The following PDCD6 variants were observed in gnomAD, a reference collection of about 807,000 sequenced individuals.
PDCD6 encodes programmed cell death 6.
PDCD6 carries 12 observed loss-of-function variants against 28.3 expected under a neutral mutation model. That is an observed-to-expected ratio of 0.42 (90% CI 0.27 to 0.69). PDCD6 has a LOEUF of 0.69. Ranked by LOEUF, PDCD6 falls within the 30% of genes least tolerant of loss-of-function variation. The pLI, the probability that PDCD6 is intolerant of heterozygous loss-of-function variation, is 0.22. For synonymous variants in PDCD6, 92 were observed against 108.0 expected, an observed-to-expected ratio of 0.85 and a Z score of 0.92; for missense variants, 226 against 269.9, an observed-to-expected ratio of 0.84 and a Z score of 1.14.
intron 2 of PDCD6, among the ~76,000 whole-genome samples, chr5:278,726 GGAAA>G (rs1294472285): frequency 2.7e-5 from 4 of 150,372 alleles, no homozygotes; most frequent in African/African-American, 4.9e-5. Context: ...TAAAACAAAA[GGAAA>G]GAAAGAAAAT....
At chr5:277,502 C>T (rs10058393) in intron 2 of PDCD6, among the ~76,000 whole-genome samples, 19,845 of 151,714 alleles carry the variant, frequency 0.13, 1,378 homozygotes, top group Admixed American at 0.17. Context: ...GGGGTTTCAC[C>T]GTGTCAGCCA....
At position 304,105 on chromosome 5, in the gene PDCD6, G is replaced by A. The variant is rs772879957; in HGVS notation, c.164-72G>A. The A allele has an allele frequency of 1.8e-4, 264 of 1,462,766 alleles. 9 individuals are homozygous for A. Among genetic ancestry groups the A allele is most frequent in the Admixed American group, 1.3e-3 (72 of 56,592 alleles). The allele number at this position is 1,462,766 out of a possible 1,614,324, so 90.6% of individuals were successfully genotyped here. ...CCACTGCTTTTCCTGGTGCCTCCAG[G>A]TATAGATCACAAACTCAGTGTCCCA... On this transcript the variant is annotated intron_variant, in intron 2 of 5. Coordinates refer to ENST00000264933, the MANE Select transcript of PDCD6 (RefSeq NM_013232.4).
chr5:296,654 CTGTT>C (rs1471164277), intron 2 of PDCD6, among the ~76,000 whole-genome samples: 62 of 152,276 alleles, frequency 4.1e-4, no homozygotes, highest in African/African-American at 1.3e-3. Flanking sequence ...ATCAAAAAGA[CTGTT>C]TGGGGCTGCA....
chr5:293,115 G>A (rs1032327219), intron 2 of PDCD6, among the ~76,000 whole-genome samples: 5 of 152,168 alleles, frequency 3.3e-5, no homozygotes, highest in Admixed American at 2.6e-4. Context: ...GACTCACAGG[G>A]CATCCCGTCA....
chr5:294,461 G>A (rs112773253), intron 2 of PDCD6, among the ~76,000 whole-genome samples: 30 of 151,372 alleles, frequency 2.0e-4, no homozygotes, highest in African/African-American at 4.6e-4. Context: ...GCTCAACGTC[G>A]TAGAGATGCT....
At chr5:299,755 T>C (rs939187095) in intron 2 of PDCD6, among the ~76,000 whole-genome samples, 10 of 152,332 alleles carry the variant, frequency 6.6e-5, no homozygotes, top group Admixed American at 3.9e-4. Flanking sequence ...TTCACCATAT[T>C]AGCCAGGATG....
At chr5:275,548 T>A (rs573602736) in intron 2 of PDCD6, among the ~76,000 whole-genome samples, 1 of 152,376 alleles carries the variant, frequency 6.6e-6, no homozygotes, top group Non-Finnish European at 1.5e-5. Flanking sequence ...AATGAGAGTT[T>A]AGAGTAGAAG....
intron 2 of PDCD6, chr5:289,962 A>T: frequency 6.3e-7 from 1 of 1,590,594 alleles, no homozygotes; most frequent in Admixed American, 1.7e-5. Flanking sequence ...CTCCTCTGAG[A>T]AATTTGTCTG....
intron 2 of PDCD6, among the ~76,000 whole-genome samples, chr5:281,209 CA>C (rs1408255032): frequency 6.6e-6 from 1 of 152,198 alleles, no homozygotes; most frequent in Non-Finnish European, 1.5e-5. Flanking sequence ...GATTTGAAAA[CA>C]AAACATTTAT....
intron 2 of PDCD6, among the ~76,000 whole-genome samples, chr5:299,785 G>A (rs1364881804): frequency 3.9e-5 from 6 of 152,264 alleles, no homozygotes; most frequent in Non-Finnish European, 5.9e-5. Flanking sequence ...TCCTCACCTG[G>A]TGATCCGCCC....
chr5:314,971 G>A lies in PDCD6; in HGVS notation c.*456G>A, dbSNP rs1050084928. ...GTAAGCAATAAAGGGAATGTTAGAC[G>A]TGTGGTCTGCCTTCAGCTTTTCAAA... On this transcript the variant is annotated 3_prime_UTR_variant, in exon 6 of 6. Coordinates refer to ENST00000264933, the MANE Select transcript of PDCD6 (RefSeq NM_013232.4). 17 of 287,138 alleles carry A rather than the reference G, an allele frequency of 5.9e-5. No homozygotes were observed. The highest frequency in any genetic ancestry group is 4.9e-4 in the South Asian group (15 of 30,506). 17.8% of individuals were successfully genotyped at this position (287,138 alleles called of 1,614,324 possible).
At chr5:279,113 G>A (rs569253523) in intron 2 of PDCD6, among the ~76,000 whole-genome samples, 5 of 152,280 alleles carry the variant, frequency 3.3e-5, no homozygotes, top group South Asian at 2.1e-4. Context: ...AGGCAAACCC[G>A]CTGGTGAAGA....
At chr5:285,143 G>C (rs772026774) in intron 2 of PDCD6, among the ~76,000 whole-genome samples, 2 of 151,742 alleles carry the variant, frequency 1.3e-5, no homozygotes, top group African/African-American at 2.4e-5. Flanking sequence ...TGAACCTGGT[G>C]GGGGAGCTGA....
rs768155115 is a variant in PDCD6 at position 311,393 on chromosome 5, C to T, written c.468C>T (p.Ile156=). The T allele has an allele frequency of 2.2e-5, 36 of 1,610,994 alleles. 1 individual carries two copies. The highest frequency in any genetic ancestry group is 1.4e-4 in the South Asian group (13 of 90,954). The change falls in exon 5 of 6, where the codon ATC becomes ATT. Residue 156 remains isoleucine (I), a synonymous_variant. Coordinates refer to ENST00000264933, the MANE Select transcript of PDCD6 (RefSeq NM_013232.4). The part of the protein sequence containing the change: ...IAFDDFIQGC[I]VLQRLTDIFR... ...TCGACGACTTCATCCAGGGCTGCATCGTCCTGCAGGTGACGGAATGGCTTC... is the reference window on the plus strand; with the variant it reads ...TCGACGACTTCATCCAGGGCTGCATTGTCCTGCAGGTGACGGAATGGCTTC...
chr5:296,920 C>T (rs1268391428), intron 2 of PDCD6, among the ~76,000 whole-genome samples: 2 of 152,180 alleles, frequency 1.3e-5, no homozygotes, highest in East Asian at 3.9e-4. Context: ...ACCACCTCCA[C>T]CAGACCCATC....
In PDCD6 at chr5:307,177, G is replaced by A. The variant is rs556222916; in HGVS notation, c.367+417G>A. Among the ~76,000 whole-genome samples, 22 of 151,770 alleles carry A rather than the reference G, an allele frequency of 1.4e-4. No homozygotes were observed. In the South Asian group the frequency reaches 3.9e-3, roughly 27 times the overall value. ...GTCAGTCACCAGGTCCAAACCGTGC[G>A]CCTCAGAAGGGGCGTTAGGCAGAAC... On this transcript the variant is annotated intron_variant, in intron 4 of 5. Transcript: ENST00000264933. The surrounding 1 kb of genome is among the most constrained non-coding windows in gnomAD (Gnocchi z 6.1).
Position 314,476 on chromosome 5 carries a change from G to T in PDCD6, c.537G>T (p.Ser179=), listed in dbSNP as rs752391766. 2 of 1,613,728 alleles carry T rather than the reference G, an allele frequency of 1.2e-6. No individual in the cohort carries two copies. Among genetic ancestry groups the T allele is most frequent in the Admixed American group, 1.7e-5 (1 of 60,028 alleles). The part of the protein sequence containing the change: ...DTDQDGWIQV[S]YEQYLSMVFS... Reference sequence around the variant, plus strand: ...ATCAGGACGGCTGGATTCAGGTGTCGTACGAACAGTACCTGTCCATGGTCT... The same window carrying T: ...ATCAGGACGGCTGGATTCAGGTGTCTTACGAACAGTACCTGTCCATGGTCT... The change falls in exon 6 of 6, where the codon TCG becomes TCT. Residue 179 remains serine, a synonymous_variant. Transcript: ENST00000264933.
At chr5:300,875 A>C (rs377604143) in intron 2 of PDCD6, among the ~76,000 whole-genome samples, 1 of 152,118 alleles carries the variant, frequency 6.6e-6, no homozygotes. Context: ...AGAATACTCC[A>C]GAAGACCCCA....
chr5:280,955 G>A (rs139149522), intron 2 of PDCD6, among the ~76,000 whole-genome samples: 4,485 of 152,342 alleles, frequency 0.029, 104 homozygotes, highest in Non-Finnish European at 0.04. Flanking sequence ...AGTAACAGTT[G>A]GGATTAATGT....
Sources: gnomAD v4.1 joint callset for allele counts (sites outside exome capture counted in the v4.1 genomes callset) on GRCh38, gnomAD v4.1.1 for gene constraint, Gnocchi (gnomAD v3.1) non-coding constraint, MANE v1.5 for transcripts, NCBI Gene and HGNC (gene_info 2026-07-23, HGNC 2026-07-21) for gene names.